Variants in ADGRL3 observed in about 807,000 individuals in gnomAD.
The protein encoded by ADGRL3 is adhesion G protein-coupled receptor L3.
In ADGRL3, 62 loss-of-function variants were observed where a neutral mutation model predicts 153.5. That is an observed-to-expected ratio of 0.40 (90% CI 0.33 to 0.50). The LOEUF (loss-of-function observed/expected upper bound fraction) is 0.50, where lower values mean the gene tolerates loss of function less well. Among genes scored for constraint, ADGRL3 ranks in the 20% least tolerant of loss-of-function variants. The pLI, the probability that ADGRL3 is intolerant of heterozygous loss-of-function variation, is 0.47. For missense variants in ADGRL3, 1,641 were observed against 1,859.4 expected, an observed-to-expected ratio of 0.88 and a Z score of 2.16; for synonymous variants, 710 against 672.5, an observed-to-expected ratio of 1.06 and a Z score of -0.86.
chr4:61,676,953 C>A lies in ADGRL3; in HGVS notation c.583+18C>A. On this transcript the variant is annotated intron_variant, in intron 6 of 26. Transcript: ENST00000683033. Reference sequence around the variant, plus strand: ...CCCTTACAGTATGTATATTCCTATACTTTTCTTGGCAAGAGAAAAGATACT... The same window carrying A: ...CCCTTACAGTATGTATATTCCTATAATTTTCTTGGCAAGAGAAAAGATACT... 6.8e-7 allele frequency: 1 copy of A among 1,478,110 alleles called. No individual in the cohort carries two copies. The highest frequency in any genetic ancestry group is 9.4e-7 in the Non-Finnish European group (1 of 1,059,810). 91.6% of individuals were successfully genotyped at this position (1,478,110 alleles called of 1,614,324 possible).
At chr4:61,512,369 T>C (rs2098467921) in intron 3 of ADGRL3, among the ~76,000 whole-genome samples, 1 of 152,082 alleles carries the variant, frequency 6.6e-6, no homozygotes, top group Non-Finnish European at 1.5e-5. Flanking sequence ...AATAATATAT[T>C]TTAAGTGACT....
Position 62,071,911 on chromosome 4 carries a change from A to T in ADGRL3, c.*1003A>T. 1 of 277,224 alleles carries T rather than the reference A, an allele frequency of 3.6e-6. No individual in the cohort carries two copies. The highest frequency in any genetic ancestry group is 1.0e-4 in the East Asian group (1 of 9,528). The allele number at this position is 277,224 out of a possible 1,614,324, so 17.2% of individuals were successfully genotyped here. ...CTTCCCTCACTATATATCTTTATGCAGTCAGAATATTTCCAACAGTGTTTT... is the reference window on the plus strand; with the variant it reads ...CTTCCCTCACTATATATCTTTATGCTGTCAGAATATTTCCAACAGTGTTTT... On this transcript the variant is annotated 3_prime_UTR_variant, in exon 27 of 27. Transcript: ENST00000683033.
intron 8 of ADGRL3, among the ~76,000 whole-genome samples, chr4:61,740,852 C>T (rs922907781): frequency 3.3e-5 from 5 of 152,098 alleles, no homozygotes; most frequent in South Asian, 2.1e-4. Context: ...TCTTGAAAGC[C>T]GTTTGAGATT....
At chr4:61,689,296 C>T (rs1051876159) in intron 6 of ADGRL3, among the ~76,000 whole-genome samples, 2 of 152,132 alleles carry the variant, frequency 1.3e-5, no homozygotes, top group African/African-American at 2.4e-5. Flanking sequence ...ATAAATGTCT[C>T]CAGGTGGTCT....
chr4:61,880,688 TTATC>T (rs1057425063), intron 9 of ADGRL3, among the ~76,000 whole-genome samples: 4 of 152,224 alleles, frequency 2.6e-5, no homozygotes, highest in Non-Finnish European at 5.9e-5. Flanking sequence ...ATGACTTAAT[TTATC>T]TATCAAGTAT....
At chr4:61,547,991 AT>A (rs1161781991) in intron 4 of ADGRL3, among the ~76,000 whole-genome samples, 1 of 151,872 alleles carries the variant, frequency 6.6e-6, no homozygotes, top group Non-Finnish European at 1.5e-5. Flanking sequence ...TTCTCTGATG[AT>A]TAGTGATGTT....
chr4:61,711,493 C>CACACACAT, intron 6 of ADGRL3, among the ~76,000 whole-genome samples: 1 of 31,952 alleles, frequency 3.1e-5, no homozygotes, highest in Middle Eastern at 0.018. Context: ...TATATATATA[C>CACACACAT]ACACACACAC....
chr4:62,051,155 CGTGT>C (rs71991802), intron 25 of ADGRL3, among the ~76,000 whole-genome samples: 97 of 68,452 alleles, frequency 1.4e-3, no homozygotes, highest in African/African-American at 5.0e-3. Flanking sequence ...ACACAAAGAA[CGTGT>C]GTGTGTGTGT....
At chr4:61,989,018 A>G (rs1040059767) in intron 19 of ADGRL3, among the ~76,000 whole-genome samples, 2 of 152,118 alleles carry the variant, frequency 1.3e-5, no homozygotes, top group Non-Finnish European at 2.9e-5. Context: ...GCTTAAGAGT[A>G]TCTTTCAAAG....
rs183402816 is a variant in ADGRL3, at chr4:61,565,494, T to A, written c.260-21733T>A. On this transcript the variant is annotated intron_variant, in intron 4 of 26. Transcript: ENST00000683033. Reference sequence around the variant, plus strand: ...ACAAACTCAGTGGGACTTGGATATATCAGCTTATGCATGGGATCTCTTCAA... The same window carrying A: ...ACAAACTCAGTGGGACTTGGATATAACAGCTTATGCATGGGATCTCTTCAA... 5.9e-5 allele frequency among the ~76,000 whole-genome samples: 9 copies of A among 152,132 alleles called. No individual in the cohort carries two copies. In the East Asian group the frequency reaches 1.5e-3, roughly 26 times the overall value.
At chr4:61,203,041 G>T (rs1735518247) in intron 1 of ADGRL3, among the ~76,000 whole-genome samples, 1 of 152,206 alleles carries the variant, frequency 6.6e-6, no homozygotes, top group Non-Finnish European at 1.5e-5. Context: ...GCGCAGCTCG[G>T]CGACATGCGT....
chr4:61,533,481 T>TA (rs1553957058), intron 4 of ADGRL3, among the ~76,000 whole-genome samples: 1 of 151,744 alleles, frequency 6.6e-6, no homozygotes, highest in Non-Finnish European at 1.5e-5. Flanking sequence ...GTATTTTTTT[T>TA]ATCACCTTCA....
chr4:61,736,556 G>A (rs915638317), intron 8 of ADGRL3, among the ~76,000 whole-genome samples: 2 of 152,148 alleles, frequency 1.3e-5, no homozygotes, highest in Non-Finnish European at 1.5e-5. Context: ...TACTAGGGAG[G>A]TTGAGGCAGG....
intron 2 of ADGRL3, among the ~76,000 whole-genome samples, chr4:61,438,338 A>T (rs1392586064): frequency 6.7e-6 from 1 of 149,516 alleles, no homozygotes; most frequent in Non-Finnish European, 1.5e-5. Context: ...TCCTTTTTTT[A>T]TTTTTATTTT....
chr4:61,563,517 C>G (rs565915780), intron 4 of ADGRL3, among the ~76,000 whole-genome samples: 22 of 152,176 alleles, frequency 1.4e-4, no homozygotes, highest in Non-Finnish European at 3.1e-4. Context: ...CAGGCATTGA[C>G]TATTCTCAGC....
At chr4:61,631,167 C>T (rs1362300010) in intron 5 of ADGRL3, among the ~76,000 whole-genome samples, 1 of 152,112 alleles carries the variant, frequency 6.6e-6, no homozygotes, top group African/African-American at 2.4e-5. Flanking sequence ...AATGAATTTG[C>T]ACCTTTCTCA....
At chr4:61,440,675 C>T (rs2097518867) in intron 2 of ADGRL3, among the ~76,000 whole-genome samples, 1 of 33,642 alleles carries the variant, frequency 3.0e-5, no homozygotes, top group Admixed American at 5.6e-4. Context: ...TCAGAATGCA[C>T]ATGATACATC....
chr4:61,727,425 G>A (rs957411278), intron 6 of ADGRL3, among the ~76,000 whole-genome samples: 5 of 152,146 alleles, frequency 3.3e-5, no homozygotes, highest in Admixed American at 1.3e-4. Flanking sequence ...AGACAAACTC[G>A]TTTCAAAAAC....
At chr4:62,015,382 C>G (rs966309325) in intron 21 of ADGRL3, among the ~76,000 whole-genome samples, 5 of 152,162 alleles carry the variant, frequency 3.3e-5, no homozygotes, top group South Asian at 4.1e-4. Flanking sequence ...CTGAGATTGA[C>G]AGTCTAAGGC....
Sources: gnomAD v4.1 joint callset for allele counts (sites outside exome capture counted in the v4.1 genomes callset) on GRCh38, gnomAD v4.1.1 for gene constraint, MANE v1.5 for transcripts, NCBI Gene and HGNC (gene_info 2026-07-23, HGNC 2026-07-21) for gene names.